C16orf87: variants seen among roughly 807,000 people sequenced by gnomAD.
C16orf87 encodes UPF0547 protein C16orf87.
Under a neutral mutation model 21.0 loss-of-function variants are expected in C16orf87, and 13 were observed. That is an observed-to-expected ratio of 0.62 (90% CI 0.40 to 0.98). The LOEUF (loss-of-function observed/expected upper bound fraction) is 0.98. C16orf87 is among the 50% of genes least tolerant of loss of function. C16orf87 has a pLI of 0.00. For synonymous variants in C16orf87, 49 were observed against 60.2 expected (o/e 0.81, Z 0.86); for missense variants, 113 against 180.4 (o/e 0.63, Z 2.14).
chr16:46,816,267 C>T (rs908264239), intron 2 of C16orf87, among the ~76,000 whole-genome samples: 10 of 152,008 alleles, frequency 6.6e-5, no homozygotes, highest in Admixed American at 1.3e-4. Context: ...AATGGGTACA[C>T]GGTTTCAGTT....
At chr16:46,813,813 A>C (rs1310682783) in intron 2 of C16orf87, among the ~76,000 whole-genome samples, 1 of 152,174 alleles carries the variant, frequency 6.6e-6, no homozygotes, top group Non-Finnish European at 1.5e-5. Flanking sequence ...TGATTCTCCC[A>C]GCCCAAGTTA....
intron 3 of C16orf87, among the ~76,000 whole-genome samples, chr16:46,809,286 C>CAAA (rs568256911): frequency 8.1e-6 from 1 of 122,990 alleles, no homozygotes. Flanking sequence ...CACGCTGTCT[C>CAAA]AAAAAAAAAA....
intron 1 of C16orf87, among the ~76,000 whole-genome samples, chr16:46,827,976 C>G (rs1437313367): frequency 1.3e-5 from 2 of 151,664 alleles, no homozygotes; most frequent in East Asian, 1.9e-4. Context: ...TCTCTGTCGC[C>G]CAGGCTGGAG....
chr16:46,822,948 C>G (rs957346296), intron 2 of C16orf87, among the ~76,000 whole-genome samples: 12 of 152,228 alleles, frequency 7.9e-5, no homozygotes, highest in Non-Finnish European at 1.5e-4. Flanking sequence ...GTGAACTCAT[C>G]TTCCACTCTT....
chr16:46,802,102 T>C lies in C16orf87; in HGVS notation c.*850A>G, dbSNP rs1004627949. On this transcript the variant is annotated 3_prime_UTR_variant, in exon 4 of 4. Transcript: ENST00000285697. ...AGATTGAAAGTAACAATTTAAATAA[T>C]TATCAGGATATAGAAACAAATATCC... 2.0e-5 allele frequency: 3 copies of C among 152,274 alleles called. No homozygotes were observed. Among genetic ancestry groups the C allele is most frequent in the Non-Finnish European group, 2.9e-5 (2 of 68,018 alleles). The allele number at this position is 152,274 out of a possible 1,614,324, so 9.4% of individuals were successfully genotyped here.
At chr16:46,830,302 GAGAGAGAC>G (rs919666881) in intron 1 of C16orf87, among the ~76,000 whole-genome samples, 6 of 149,208 alleles carry the variant, frequency 4.0e-5, no homozygotes, top group African/African-American at 9.9e-5. Context: ...GAGAGAGAGA[GAGAGAGAC>G]ACACAGAGAC....
intron 3 of C16orf87, among the ~76,000 whole-genome samples, chr16:46,806,191 C>G (rs1030782497): frequency 2.6e-5 from 4 of 152,050 alleles, no homozygotes; most frequent in Non-Finnish European, 5.9e-5. Context: ...TTAGATTTCC[C>G]CAAAGGAGTT....
intron 3 of C16orf87, among the ~76,000 whole-genome samples, chr16:46,806,684 A>C (rs368103213): frequency 1.3e-5 from 2 of 152,242 alleles, no homozygotes; most frequent in East Asian, 1.9e-4. Context: ...CTTACATTAG[A>C]CTAACCAAAA....
intron 1 of C16orf87, among the ~76,000 whole-genome samples, chr16:46,828,737 AT>A (rs1176706755): frequency 2.6e-5 from 4 of 152,000 alleles, no homozygotes; most frequent in African/African-American, 9.7e-5. Flanking sequence ...TTCGAATTTA[AT>A]TTTTTTTAGG....
intron 1 of C16orf87, among the ~76,000 whole-genome samples, chr16:46,830,294 G>T (rs957265543): frequency 1.9e-4 from 27 of 145,316 alleles, no homozygotes; most frequent in African/African-American, 6.9e-4. Flanking sequence ...GAGAGAGAGA[G>T]AGAGAGAGAG....
intron 1 of C16orf87, among the ~76,000 whole-genome samples, chr16:46,829,182 G>A (rs983542793): frequency 3.9e-5 from 6 of 152,118 alleles, no homozygotes; most frequent in Non-Finnish European, 8.8e-5. Context: ...CCCTCTTTCT[G>A]CCATGTGAGG....
rs1049964928 is a variant in C16orf87 at position 46,800,933 on chromosome 16, C to T, written c.*2019G>A. 2 of 152,132 alleles carry T rather than the reference C, an allele frequency of 1.3e-5. No individual in the cohort carries two copies. The highest frequency in any genetic ancestry group is 4.8e-5 in the African/African-American group (2 of 41,430). 9.4% of individuals were successfully genotyped at this position (152,132 alleles called of 1,614,324 possible). A position where few individuals can be genotyped will look rare whatever the true frequency, so the allele number is the denominator to read the frequency against. On this transcript the variant is annotated 3_prime_UTR_variant, in exon 4 of 4. Transcript: ENST00000285697. ...TACTTTTCTATACGGCAAGCTCCAG[C>T]CCAGCCACCAGTACCTCCTTTACCA...
At chr16:46,807,354 C>T (rs1395956677) in intron 3 of C16orf87, among the ~76,000 whole-genome samples, 1 of 151,470 alleles carries the variant, frequency 6.6e-6, no homozygotes, top group African/African-American at 2.4e-5. Flanking sequence ...GAGTTTGAGG[C>T]TGAAGTAAGC....
In C16orf87 at chr16:46,803,080, G is replaced by GA. The variant is rs1967825404; in HGVS notation, c.347-11dup. The GA allele has an allele frequency of 7.3e-7, 1 of 1,372,502 alleles. No homozygotes were observed. Among genetic ancestry groups the GA allele is most frequent in the Admixed American group, 1.9e-5 (1 of 51,440 alleles). The allele number at this position is 1,372,502 out of a possible 1,614,324, so 85.0% of individuals were successfully genotyped here. On this transcript the variant is annotated splice_polypyrimidine_tract_variant and intron_variant, in intron 3 of 3. Transcript: ENST00000285697. ...TCCTTTTCCTGTTTCTCTGTTAAAA[G>GA]AAAAAGGGAAAGTTTAATATAAAGG... is the stretch of plus-strand genomic sequence containing the variant.
intron 1 of C16orf87, 92 bp downstream of exon 1, chr16:46,830,992 T>A (rs1959837066): frequency 5.0e-6 from 5 of 999,614 alleles, no homozygotes; most frequent in South Asian, 1.8e-5. Context: ...TGCCCACCGC[T>A]CGGCCTCCGG....
At chr16:46,813,090 G>A (rs913895676) in intron 2 of C16orf87, among the ~76,000 whole-genome samples, 7 of 151,892 alleles carry the variant, frequency 4.6e-5, no homozygotes, top group Admixed American at 6.6e-5. Context: ...AGATCATCTC[G>A]TAAACCCACA....
At chr16:46,831,038 G>T in intron 1 of C16orf87, 46 bp downstream of exon 1, 2 of 1,504,824 alleles carry the variant, frequency 1.3e-6, no homozygotes, top group Non-Finnish European at 1.8e-6. Flanking sequence ...GACAACGGCC[G>T]CCAAGCCACT....
intron 2 of C16orf87, among the ~76,000 whole-genome samples, chr16:46,813,240 G>A (rs890577095): frequency 3.3e-5 from 5 of 151,944 alleles, no homozygotes; most frequent in African/African-American, 1.2e-4. Context: ...AATAACTCTT[G>A]GTTCTCCCTC....
rs913576911 is a variant in C16orf87, at chr16:46,799,567, A to AT, written c.*3384dup. 1 of 152,230 alleles carries AT rather than the reference A, an allele frequency of 6.6e-6. No homozygotes were observed. Among genetic ancestry groups the AT allele is most frequent in the African/African-American group, 2.4e-5 (1 of 41,458 alleles). The allele number at this position is 152,230 out of a possible 1,614,324, so 9.4% of individuals were successfully genotyped here. A position where few individuals can be genotyped will look rare whatever the true frequency, so the allele number is the denominator to read the frequency against. On this transcript the variant is annotated 3_prime_UTR_variant, in exon 4 of 4. Transcript: ENST00000285697. ...AATAATTAAGAATGAGTTTCAAAGA[A>AT]TGACGGACAAAATGTTTTAGAGAAG...
Sources: allele counts gnomAD v4.1 joint callset (sites outside exome capture counted in the v4.1 genomes callset), GRCh38; gene constraint gnomAD v4.1.1; transcripts MANE v1.5; gene names NCBI Gene and HGNC (gene_info 2026-07-23, HGNC 2026-07-21).